ACBD6: variants seen among roughly 807,000 people sequenced by gnomAD.
ACBD6 encodes the protein acyl-CoA binding domain containing 6.
Under a neutral mutation model 37.2 loss-of-function variants are expected in ACBD6, and 28 were observed. The observed-to-expected ratio is 0.75, with a 90% confidence interval of 0.56 to 1.03. The LOEUF is 1.03. ACBD6 is among the 50% of genes least tolerant of loss of function. ACBD6 has a pLI of 0.00. For missense variants in ACBD6, 340 were observed against 337.4 expected, an observed-to-expected ratio of 1.01 and a Z score of -0.06; for synonymous variants, 113 against 126.8, an observed-to-expected ratio of 0.89 and a Z score of 0.73.
At chr1:180,460,085 C>T (rs1285264828) in intron 3 of ACBD6, among the ~76,000 whole-genome samples, 2 of 149,504 alleles carry the variant, frequency 1.3e-5, no homozygotes, top group Non-Finnish European at 3.0e-5. Context: ...CACCCATTAA[C>T]TCATCATTTA....
chr1:180,276,061 C>G (rs546424215), intron 9 of ACBD6: 36 of 146,924 alleles, frequency 2.5e-4, no homozygotes, highest in Non-Finnish European at 3.9e-4. Flanking sequence ...ATTTAGCCAG[C>G]TGGAATTTAT....
intron 6 of ACBD6, among the ~76,000 whole-genome samples, chr1:180,365,573 C>T (rs1212427226): frequency 2.6e-5 from 4 of 152,084 alleles, no homozygotes; most frequent in Non-Finnish European, 5.9e-5. Context: ...TAATTACATC[C>T]TAATAATTGC....
At chr1:180,363,644 A>AATTT (rs1198709924) in intron 6 of ACBD6, among the ~76,000 whole-genome samples, 1 of 152,192 alleles carries the variant, frequency 6.6e-6, no homozygotes, top group African/African-American at 2.4e-5. Flanking sequence ...AAATCACTTA[A>AATTT]AAAAGCAGCA....
intron 6 of ACBD6, among the ~76,000 whole-genome samples, chr1:180,355,326 G>A (rs527869376): frequency 6.6e-6 from 1 of 152,268 alleles, no homozygotes; most frequent in African/African-American, 2.4e-5. Flanking sequence ...GTTTCTCTGT[G>A]TATCTTCATA....
chr1:180,347,387 CAG>C (rs1372381478), intron 6 of ACBD6, among the ~76,000 whole-genome samples: 1 of 101,992 alleles, frequency 9.8e-6, no homozygotes, highest in African/African-American at 3.9e-5. Context: ...TTTTTTGAGA[CAG>C]AGTCATGCTT....
chr1:180,396,965 C>T (rs1415484599), intron 6 of ACBD6, among the ~76,000 whole-genome samples: 1 of 152,050 alleles, frequency 6.6e-6, no homozygotes, highest in Non-Finnish European at 1.5e-5. Flanking sequence ...AAAGAACTGA[C>T]AACAGGTATT....
At chr1:180,315,097 T>C (rs1334910403) in intron 6 of ACBD6, among the ~76,000 whole-genome samples, 1 of 152,092 alleles carries the variant, frequency 6.6e-6, no homozygotes, top group African/African-American at 2.4e-5. Context: ...TTTCCTAAGC[T>C]TGTCCCCAAA....
intron 6 of ACBD6, among the ~76,000 whole-genome samples, chr1:180,349,356 C>T (rs1200792534): frequency 6.6e-6 from 1 of 151,380 alleles, no homozygotes; most frequent in African/African-American, 2.4e-5. Context: ...CCCAGGTTCA[C>T]GCCATTCTCC....
chr1:180,388,614 T>TAA (rs1558278107), intron 6 of ACBD6, among the ~76,000 whole-genome samples: 24 of 144,120 alleles, frequency 1.7e-4, no homozygotes, highest in Admixed American at 4.1e-4. Context: ...TTTTTTTTTT[T>TAA]AATTTTTGTA....
chr1:180,480,466 A>T (rs1308575496), intron 3 of ACBD6, among the ~76,000 whole-genome samples: 1 of 152,222 alleles, frequency 6.6e-6, no homozygotes, highest in Non-Finnish European at 1.5e-5. Context: ...GAATGAACTC[A>T]GTATATGGCA....
chr1:180,316,327 C>T (rs61811587), intron 6 of ACBD6, among the ~76,000 whole-genome samples: 10,639 of 147,778 alleles, frequency 0.072, 1,187 homozygotes, highest in African/African-American at 0.24. Flanking sequence ...TGTGTGTGTG[C>T]GTGAGTGCGC....
intron 6 of ACBD6, among the ~76,000 whole-genome samples, chr1:180,342,113 A>G (rs1371179961): frequency 6.6e-6 from 1 of 152,098 alleles, no homozygotes; most frequent in Admixed American, 6.6e-5. Flanking sequence ...TGATCTTTCA[A>G]TTTAGGGAAT....
At chr1:180,334,859 C>T (rs184721481) in intron 6 of ACBD6, among the ~76,000 whole-genome samples, 10 of 152,004 alleles carry the variant, frequency 6.6e-5, no homozygotes, top group East Asian at 3.9e-4. Context: ...AACTACGTGA[C>T]GAATGCACAA....
At chr1:180,495,038 C>A (rs902995137) in intron 2 of ACBD6, among the ~76,000 whole-genome samples, 1 of 152,106 alleles carries the variant, frequency 6.6e-6, no homozygotes, top group Non-Finnish European at 1.5e-5. Flanking sequence ...TAGCAAGAGA[C>A]AGGGAGATAA....
chr1:180,370,477 T>C (rs1653220694), intron 6 of ACBD6, among the ~76,000 whole-genome samples: 1 of 152,156 alleles, frequency 6.6e-6, no homozygotes, highest in Non-Finnish European at 1.5e-5. Flanking sequence ...ACAGAAAACA[T>C]GGTCCCTGCA....
At position 180,298,463 on chromosome 1, in the gene ACBD6, G is replaced by C. The variant is rs983396180; in HGVS notation, c.695-9946C>G. On this transcript the variant is annotated intron_variant, in intron 7 of 7. Transcript: ENST00000367595. ...GCTATGGCTGAAGACACAAAAGATG[G>C]CCATCTCAGACAAAGGGACATTAAT... Among the ~76,000 whole-genome samples, 15 of 152,248 alleles carry C rather than the reference G, an allele frequency of 9.9e-5. No individual in the cohort carries two copies. In the South Asian group the frequency reaches 2.9e-3, roughly 29 times the overall value.
intron 6 of ACBD6, among the ~76,000 whole-genome samples, chr1:180,355,045 A>C (rs1571400426): frequency 6.6e-6 from 1 of 152,298 alleles, no homozygotes; most frequent in Non-Finnish European, 1.5e-5. Context: ...ACAACAACAA[A>C]AAAGATTTAT....
intron 3 of ACBD6, among the ~76,000 whole-genome samples, chr1:180,467,558 G>A (rs1571549171): frequency 6.6e-6 from 1 of 151,906 alleles, no homozygotes; most frequent in South Asian, 2.1e-4. Flanking sequence ...GGCTGAGGCA[G>A]GAGAACCACT....
chr1:180,454,203 G>A (rs943053849), intron 3 of ACBD6, among the ~76,000 whole-genome samples: 1 of 151,970 alleles, frequency 6.6e-6, no homozygotes, highest in Non-Finnish European at 1.5e-5. Context: ...CAGAACAGAC[G>A]CCTCAGAAAT....
Sources: allele counts gnomAD v4.1 joint callset (sites outside exome capture counted in the v4.1 genomes callset), GRCh38; gene constraint gnomAD v4.1.1; transcripts MANE v1.5; gene names NCBI Gene and HGNC (gene_info 2026-07-23, HGNC 2026-07-21).